NOS1AP: variants seen among roughly 807,000 people sequenced by gnomAD.
The protein encoded by NOS1AP is nitric oxide synthase 1 adaptor protein.
A neutral mutation model predicts 56.2 loss-of-function variants in NOS1AP; 21 were observed. That is an observed-to-expected ratio of 0.37 (90% CI 0.26 to 0.54). The LOEUF (loss-of-function observed/expected upper bound fraction) is 0.54. Ranked by LOEUF, NOS1AP falls within the 20% of genes least tolerant of loss-of-function variation. The pLI is 0.84. For missense variants in NOS1AP, 522 were observed against 657.8 expected (o/e 0.79, Z 2.26); for synonymous variants, 270 against 274.6 (o/e 0.98, Z 0.17).
At chr1:162,227,188 C>G (rs1325940977) in intron 2 of NOS1AP, among the ~76,000 whole-genome samples, 1 of 152,052 alleles carries the variant, frequency 6.6e-6, no homozygotes, top group Non-Finnish European at 1.5e-5. Flanking sequence ...CAGTCTTTCC[C>G]CCGCTGTGCA....
chr1:162,348,146 GACAA>G (rs1272382896), intron 6 of NOS1AP, among the ~76,000 whole-genome samples: 10 of 152,188 alleles, frequency 6.6e-5, no homozygotes, highest in Non-Finnish European at 1.5e-4. Flanking sequence ...TGAATAAACT[GACAA>G]ACAGAGCCAG....
At chr1:162,174,341 T>C (rs1020630553) in intron 2 of NOS1AP, among the ~76,000 whole-genome samples, 1 of 136,262 alleles carries the variant, frequency 7.3e-6, no homozygotes, top group Non-Finnish European at 1.5e-5. Context: ...TTCTCACTTA[T>C]AGGTGGGAAT....
chr1:162,351,069 A>G (rs1375619178), intron 6 of NOS1AP, among the ~76,000 whole-genome samples: 1 of 152,258 alleles, frequency 6.6e-6, no homozygotes, highest in Non-Finnish European at 1.5e-5. Flanking sequence ...CATGAAACAT[A>G]AATGGATTTC....
intron 2 of NOS1AP, among the ~76,000 whole-genome samples, chr1:162,265,241 ATTT>A (rs1654382867): frequency 7.1e-5 from 10 of 141,084 alleles, no homozygotes; most frequent in Admixed American, 7.0e-4. Context: ...TTTTTTTATT[ATTT>A]TACTTTAAGT....
intron 2 of NOS1AP, among the ~76,000 whole-genome samples, chr1:162,254,103 G>A (rs1653949351): frequency 6.6e-6 from 1 of 152,160 alleles, no homozygotes; most frequent in Non-Finnish European, 1.5e-5. Flanking sequence ...TTTGATGAAG[G>A]ATGATGAAAC....
At chr1:162,208,852 A>G (rs1652251803) in intron 2 of NOS1AP, among the ~76,000 whole-genome samples, 1 of 152,196 alleles carries the variant, frequency 6.6e-6, no homozygotes, top group Non-Finnish European at 1.5e-5. Flanking sequence ...TGCTCAGCTC[A>G]TTTTCCTGGT....
intron 2 of NOS1AP, among the ~76,000 whole-genome samples, chr1:162,169,797 G>C (rs1650676091): frequency 6.6e-6 from 1 of 152,202 alleles, no homozygotes; most frequent in Non-Finnish European, 1.5e-5. Flanking sequence ...GGGCCTCCCA[G>C]TCTGGCTTCA....
chr1:162,168,169 T>G (rs74125954), intron 2 of NOS1AP, among the ~76,000 whole-genome samples: 2,707 of 152,300 alleles, frequency 0.018, 88 homozygotes, highest in African/African-American at 0.062. Context: ...TGGCCAGGAT[T>G]CGGGCTCTAA....
At chr1:162,198,094 C>T (rs6692381) in intron 2 of NOS1AP, among the ~76,000 whole-genome samples, 41,057 of 152,046 alleles carry the variant, frequency 0.27, 5,788 homozygotes, top group East Asian at 0.39. Flanking sequence ...ACCTGGAAGG[C>T]GTTCTAGGAG....
intron 6 of NOS1AP, among the ~76,000 whole-genome samples, chr1:162,350,281 C>T (rs942186166): frequency 1.2e-4 from 18 of 152,256 alleles, no homozygotes; most frequent in African/African-American, 3.4e-4. Context: ...GTCTTTTCAT[C>T]GTTTTCAGCA....
chr1:162,235,422 T>C (rs1054220599), intron 2 of NOS1AP, among the ~76,000 whole-genome samples: 1 of 152,178 alleles, frequency 6.6e-6, no homozygotes, highest in African/African-American at 2.4e-5. Flanking sequence ...TTGTTGCCTT[T>C]TTCCATTGCC....
intron 1 of NOS1AP, among the ~76,000 whole-genome samples, chr1:162,098,193 G>GC (rs1465907359): frequency 7.2e-6 from 1 of 138,178 alleles, no homozygotes; most frequent in Non-Finnish European, 1.5e-5. Flanking sequence ...TGCAACCTCT[G>GC]CCCCCTGGGC....
At chr1:162,295,464 C>G (rs1655427149) in intron 3 of NOS1AP, among the ~76,000 whole-genome samples, 1 of 152,252 alleles carries the variant, frequency 6.6e-6, no homozygotes, top group Non-Finnish European at 1.5e-5. Flanking sequence ...GATTTATAAT[C>G]CCATAGGTTT....
intron 3 of NOS1AP, among the ~76,000 whole-genome samples, chr1:162,290,502 T>G (rs1185084644): frequency 6.6e-6 from 1 of 152,244 alleles, no homozygotes; most frequent in Admixed American, 6.5e-5. Flanking sequence ...CATGCTATTG[T>G]GTAAATGCAC....
At chr1:162,324,979 G>A (rs1656538072) in intron 4 of NOS1AP, among the ~76,000 whole-genome samples, 1 of 152,200 alleles carries the variant, frequency 6.6e-6, no homozygotes, top group East Asian at 1.9e-4. Context: ...CACTTCAGGT[G>A]TCTGTGGAAG....
chr1:162,181,174 C>T lies in NOS1AP; in HGVS notation c.177+26698C>T, dbSNP rs1298305579. Among the ~76,000 whole-genome samples the T allele has an allele frequency of 2.6e-5, 4 of 152,162 alleles. No homozygotes were observed. The East Asian group carries it at 7.7e-4, about 29-fold the overall frequency. ...CAAAAGAGGACTGGGCAGGGTTAGA[C>T]CCACTCATAATTGGTGAGAAAAACA... On this transcript the variant is annotated intron_variant, in intron 2 of 9. Transcript: ENST00000361897.
In NOS1AP at chr1:162,355,301, T is replaced by C. The variant is rs896534914; in HGVS notation, c.710T>C (p.Val237Ala). ...GNDVLEFSRG[V>A]TDLDAVGKEG... ...GATGTCCTGGAATTCAGCCGAGGTG[T>C]GACTGATCTAGATGCTGTAGGGAAG... Residue 237 changes from valine (V) to alanine (A), a missense_variant, in exon 7 of 10, where the codon GTG (valine) becomes GCG (alanine). Val to Ala is a moderately conservative substitution (Grantham distance 64, BLOSUM62 0). Around this residue, in one of 4 missense-constraint regions of NOS1AP, gnomAD observed 178 missense variants for 165.0 expected, o/e 1.08. Coordinates refer to ENST00000361897, the MANE Select transcript of NOS1AP (RefSeq NM_014697.3). The C allele has an allele frequency of 6.2e-7, 1 of 1,614,090 alleles. No homozygotes were observed. Among genetic ancestry groups the C allele is most frequent in the Non-Finnish European group, 8.5e-7 (1 of 1,180,012 alleles).
intron 2 of NOS1AP, among the ~76,000 whole-genome samples, chr1:162,209,543 G>A (rs1426757307): frequency 6.6e-6 from 1 of 152,120 alleles, no homozygotes; most frequent in Non-Finnish European, 1.5e-5. Context: ...CTCTCTTTGT[G>A]CCTGGGTTTC....
At position 162,168,655 on chromosome 1, in the gene NOS1AP, C is replaced by T. The variant is rs78921546; in HGVS notation, c.177+14179C>T. On this transcript the variant is annotated intron_variant, in intron 2 of 9. Transcript: ENST00000361897. ...TGGGCAGGGGGGTGTGTTTCTCTTTCCTTCTCCCCTTTTCTTCCTCTCTTT... is the reference window on the plus strand; with the variant it reads ...TGGGCAGGGGGGTGTGTTTCTCTTTTCTTCTCCCCTTTTCTTCCTCTCTTT... 2.6e-3 allele frequency among the ~76,000 whole-genome samples: 398 copies of T among 150,310 alleles called. 2 individuals carry two copies. Among genetic ancestry groups the T allele is most frequent in the African/African-American group, 9.1e-3 (375 of 41,348 alleles).
Sources: gnomAD v4.1 joint callset for allele counts (sites outside exome capture counted in the v4.1 genomes callset) on GRCh38, gnomAD v4.1.1 for gene constraint, gnomAD v4.1.1 regional missense constraint, MANE v1.5 for transcripts, NCBI Gene and HGNC (gene_info 2026-07-23, HGNC 2026-07-21) for gene names.